The following CREM variants were observed in gnomAD, a reference collection of about 807,000 sequenced individuals.
CREM encodes cAMP responsive element modulator, also known as cAMP-responsive element modulator.
CREM carries 13 observed loss-of-function variants against 37.3 expected under a neutral mutation model. The ratio of observed to expected loss-of-function variants is 0.35; its 90% CI spans 0.23 to 0.55. The LOEUF (loss-of-function observed/expected upper bound fraction) is 0.55, where lower values mean the gene tolerates loss of function less well. Ranked by LOEUF, CREM falls within the 20% of genes least tolerant of loss-of-function variation. The probability of loss-of-function intolerance (pLI) is 0.88; values close to 1 mark genes in which losing one functional copy is unlikely to be tolerated. For synonymous variants in CREM, 124 were observed against 120.2 expected (o/e 1.03, Z -0.21); for missense variants, 296 against 362.3 (o/e 0.82, Z 1.49).
rs2095681596 is a variant in CREM at position 35,212,861 on chromosome 10, G to A, written c.*1463G>A. 3 of 152,742 alleles carry A rather than the reference G, an allele frequency of 2.0e-5. No individual in the cohort carries two copies. The highest frequency in any genetic ancestry group is 2.0e-4 in the Admixed American group (3 of 15,276). 9.5% of individuals were successfully genotyped at this position (152,742 alleles called of 1,614,324 possible). A position where few individuals can be genotyped will look rare whatever the true frequency, so the allele number is the denominator to read the frequency against. ...AGATACTCCGCTGTCGGCACATTCAGCTGAGGTTCATTACAATCGAGACTG... is the reference window on the plus strand; with the variant it reads ...AGATACTCCGCTGTCGGCACATTCAACTGAGGTTCATTACAATCGAGACTG... On this transcript the variant is annotated 3_prime_UTR_variant, in exon 8 of 8. Coordinates refer to ENST00000685392, the MANE Select transcript of CREM (RefSeq NM_183011.2).
At chr10:35,132,397 A>G (rs933616777) in intron 1 of CREM, among the ~76,000 whole-genome samples, 2 of 152,150 alleles carry the variant, frequency 1.3e-5, no homozygotes, top group Non-Finnish European at 2.9e-5. Flanking sequence ...GAATTGAAAA[A>G]GAGACACTTA....
intron 7 of CREM, 30 bp from the exon 8 acceptor site, chr10:35,211,224 C>CTGTA: frequency 6.2e-7 from 1 of 1,605,840 alleles, no homozygotes; most frequent in South Asian, 1.1e-5. Context: ...AAGGCTGTTC[C>CTGTA]TGTAGTCATT....
intron 5 of CREM, among the ~76,000 whole-genome samples, chr10:35,182,498 C>T (rs1484128751): frequency 6.6e-6 from 1 of 151,140 alleles, no homozygotes; most frequent in Non-Finnish European, 1.5e-5. Context: ...TCTTTTTTTC[C>T]AATATTTTAT....
At chr10:35,203,457 G>T (rs570369863) in intron 6 of CREM, among the ~76,000 whole-genome samples, 1 of 152,142 alleles carries the variant, frequency 6.6e-6, no homozygotes. Context: ...ACTTTGGGAG[G>T]CTGAGGCAGG....
chr10:35,138,315 A>G (rs542413373), intron 2 of CREM, among the ~76,000 whole-genome samples: 1 of 152,318 alleles, frequency 6.6e-6, no homozygotes, highest in East Asian at 1.9e-4. Flanking sequence ...ACTTTCAGAG[A>G]CATTCTGTTT....
chr10:35,138,924 C>A (rs1242907024), intron 2 of CREM, among the ~76,000 whole-genome samples: 1 of 151,234 alleles, frequency 6.6e-6, no homozygotes, highest in Non-Finnish European at 1.5e-5. Flanking sequence ...ATGGAGGGTC[C>A]TATTTTTTAA....
In CREM at chr10:35,139,522, T is replaced by C. The variant is rs1357346233; in HGVS notation, c.44+1643T>C. On this transcript the variant is annotated intron_variant, in intron 2 of 7. Transcript: ENST00000685392. ...TATAGTGCTTAGTGGACTTGTTTGTTTTCGTTTTTATTGTTTTATCCTTAC... is the reference window on the plus strand; with the variant it reads ...TATAGTGCTTAGTGGACTTGTTTGTCTTCGTTTTTATTGTTTTATCCTTAC... Among the ~76,000 whole-genome samples, 3 of 152,318 alleles carry C rather than the reference T, an allele frequency of 2.0e-5. No individual in the cohort carries two copies. In the East Asian group the frequency reaches 5.8e-4, roughly 29 times the overall value.
intron 6 of CREM, among the ~76,000 whole-genome samples, chr10:35,194,097 CAAAAAAAAAAAAAAAA>C: frequency 4.0e-5 from 1 of 25,062 alleles, no homozygotes; most frequent in Non-Finnish European, 6.7e-5. Flanking sequence ...GACTTCATCT[CAAAAAAAAAAAAAAAA>C]AAAAAAAAAA....
intron 2 of CREM, among the ~76,000 whole-genome samples, chr10:35,141,239 A>G (rs528247252): frequency 6.6e-6 from 1 of 152,364 alleles, no homozygotes; most frequent in Non-Finnish European, 1.5e-5. Flanking sequence ...AACTCTCAAT[A>G]AATGATGGTT....
chr10:35,129,613 C>G (rs912189855), intron 1 of CREM, among the ~76,000 whole-genome samples: 7 of 152,202 alleles, frequency 4.6e-5, no homozygotes, highest in African/African-American at 1.7e-4. Context: ...TACTGAAAAG[C>G]TCTCAAATGT....
chr10:35,174,305 A>G (rs1190916962), intron 3 of CREM, among the ~76,000 whole-genome samples: 1 of 152,126 alleles, frequency 6.6e-6, no homozygotes, highest in African/African-American at 2.4e-5. Context: ...TCTAAAATGG[A>G]GCAATTCGTT....
intron 3 of CREM, among the ~76,000 whole-genome samples, chr10:35,162,849 G>A (rs2093361531): frequency 6.6e-6 from 1 of 152,116 alleles, no homozygotes; most frequent in Non-Finnish European, 1.5e-5. Context: ...TTGCCCAGTT[G>A]TGAGATTAAA....
At chr10:35,173,249 C>T (rs1268907255) in intron 3 of CREM, among the ~76,000 whole-genome samples, 2 of 152,156 alleles carry the variant, frequency 1.3e-5, no homozygotes, top group Admixed American at 6.5e-5. Flanking sequence ...AAGAGACAAT[C>T]AGTTGTCAAG....
chr10:35,159,118 C>A (rs929312055), intron 3 of CREM, among the ~76,000 whole-genome samples: 2 of 151,932 alleles, frequency 1.3e-5, no homozygotes, highest in Admixed American at 1.3e-4. Context: ...TTAATCTATT[C>A]CTGCTAATGA....
In CREM at chr10:35,147,151, C is replaced by T. The variant is rs12770114; in HGVS notation, c.45-1217C>T. On this transcript the variant is annotated intron_variant, in intron 2 of 7. Coordinates refer to ENST00000685392, the MANE Select transcript of CREM (RefSeq NM_183011.2). ...CTGCAAGCTCTGCCTCCTGGGTTCA[C>T]GCCATTCTCCTGCCTCAGCCTCCCG... is the stretch of plus-strand genomic sequence containing the variant. 8.3e-3 allele frequency among the ~76,000 whole-genome samples: 1,238 copies of T among 149,168 alleles called. 8 individuals carry two copies. Among genetic ancestry groups the T allele is most frequent in the Non-Finnish European group, 0.015 (1,005 of 67,534 alleles).
intron 3 of CREM, chr10:35,176,107 C>A: frequency 7.2e-7 from 1 of 1,394,808 alleles, no homozygotes; most frequent in Non-Finnish European, 9.5e-7. Context: ...ATACGCAAAT[C>A]TTTTTATTAG....
intron 6 of CREM, among the ~76,000 whole-genome samples, chr10:35,189,640 C>T (rs1359122168): frequency 3.9e-5 from 6 of 151,998 alleles, no homozygotes; most frequent in East Asian, 1.9e-4. Context: ...CTCAGCCTCC[C>T]GAGTAGCTGG....
At chr10:35,170,563 T>A (rs1589837962) in intron 3 of CREM, among the ~76,000 whole-genome samples, 1 of 152,312 alleles carries the variant, frequency 6.6e-6, no homozygotes, top group East Asian at 1.9e-4. Flanking sequence ...TATTAATTAT[T>A]GCCTCAATTT....
At chr10:35,209,784 C>A (rs1015791820) in intron 7 of CREM, among the ~76,000 whole-genome samples, 1 of 152,142 alleles carries the variant, frequency 6.6e-6, no homozygotes, top group Non-Finnish European at 1.5e-5. Context: ...CCCAAATTGG[C>A]AAATGTGTGT....
Sources: gnomAD v4.1 joint callset for allele counts (sites outside exome capture counted in the v4.1 genomes callset) on GRCh38, gnomAD v4.1.1 for gene constraint, MANE v1.5 for transcripts, NCBI Gene and HGNC (gene_info 2026-07-23, HGNC 2026-07-21) for gene names.